Variants in ZNF446 observed in about 807,000 individuals in gnomAD.
The protein encoded by ZNF446 is zinc finger protein with KRAB and SCAN domains 20.
A neutral mutation model predicts 34.0 loss-of-function variants in ZNF446; 42 were observed. The ratio of observed to expected loss-of-function variants is 1.23; its 90% confidence interval spans 0.96 to 1.60. ZNF446 has a LOEUF of 1.60. Among genes scored for constraint, ZNF446 ranks in the 40% most tolerant of loss-of-function variants. The pLI is 0.00. For synonymous variants in ZNF446, 315 were observed against 251.0 expected (o/e 1.25, Z -2.41); for missense variants, 650 against 600.2 (o/e 1.08, Z -0.87).
rs1482704914 is a variant in ZNF446, at chr19:58,479,680, T to C, written c.665T>C (p.Leu222Pro). 6.2e-7 allele frequency: 1 copy of C among 1,613,710 alleles called. No homozygotes were observed. Among genetic ancestry groups the C allele is most frequent in the Admixed American group, 1.7e-5 (1 of 59,960 alleles). ...WGLLDRSQKE[L>P]YWDAMLEKYG... ...CTGCTGGACCGGTCACAGAAGGAAC[T>C]GTACTGGGATGCGATGCTGGAGAAG... The change falls in exon 5 of 7, where the codon CTG becomes CCG. Residue 222 changes from leucine (L) to proline (P), a missense_variant. Physicochemically the swap from Leu to Pro is moderately conservative, Grantham distance 98. Coordinates refer to ENST00000594369, the MANE Select transcript of ZNF446 (RefSeq NM_017908.4).
Position 58,480,802 on chromosome 19 carries a change from G to T in ZNF446, c.*76G>T. The T allele has an allele frequency of 6.6e-7, 1 of 1,508,500 alleles. No individual in the cohort carries two copies. Among genetic ancestry groups the T allele is most frequent in the Middle Eastern group, 1.8e-4 (1 of 5,550 alleles). The allele number at this position is 1,508,500 out of a possible 1,614,324, so 93.4% of individuals were successfully genotyped here. On this transcript the variant is annotated 3_prime_UTR_variant, in exon 7 of 7. Coordinates refer to ENST00000594369, the MANE Select transcript of ZNF446 (RefSeq NM_017908.4). This position sits in a 1 kb window ranked among gnomAD's most constrained non-coding sequence, Gnocchi z 7.2. ...TACAGCCTCTGGGGCACCAGCAGAA[G>T]ACTCTGGAGGCAGCAGGGGATGCCA...
At chr19:58,485,386 T>C (rs911911641), downstream of ZNF446, among the ~76,000 whole-genome samples, 1 of 151,498 alleles carries the variant, frequency 6.6e-6, no homozygotes, top group Non-Finnish European at 1.5e-5. Flanking sequence ...GGCACACGCC[T>C]GTAATCCCAG....
chr19:58,480,348 T>G lies in ZNF446; in HGVS notation c.975T>G (p.Ala325=). 1 of 1,600,300 alleles carries G rather than the reference T, an allele frequency of 6.2e-7. No homozygotes were observed. Among genetic ancestry groups the G allele is most frequent in the South Asian group, 1.1e-5 (1 of 89,432 alleles). Residue 325 remains alanine, a synonymous_variant, in exon 7 of 7, where the codon GCT becomes GCG. Coordinates refer to ENST00000594369, the MANE Select transcript of ZNF446 (RefSeq NM_017908.4). This position sits in a 1 kb window ranked among gnomAD's most constrained non-coding sequence, Gnocchi z 7.2. ...PTPAETRLEP[A]ATPRKPYTCE... ...CTGCAGAGACGAGACTGGAGCCGGCTGCCACCCCCAGGAAGCCCTACACGT... is the reference window on the plus strand; with the variant it reads ...CTGCAGAGACGAGACTGGAGCCGGCGGCCACCCCCAGGAAGCCCTACACGT...
Position 58,478,128 on chromosome 19 carries a change from A to C in ZNF446, c.574A>C (p.Asn192His), listed in dbSNP as rs893185. 729,315 of 1,613,212 alleles carry C rather than the reference A, an allele frequency of 0.45. 167,728 individuals are homozygous for C. The highest frequency in any genetic ancestry group is 0.62 in the African/African-American group (46,075 of 74,892). Residue 192 changes from asparagine (N) to histidine (H), a missense_variant, in exon 4 of 7, where the codon AAC (asparagine) becomes CAC (histidine). Coordinates refer to ENST00000594369, the MANE Select transcript of ZNF446 (RefSeq NM_017908.4). ...ACTTGCAGCACAGTCCCCTGAGGGG[A>C]ACCATGGACACCAAGAACCAGCCTC... ...PPLAAQSPEG[N>H]HGHQEPASTS...
In ZNF446 at chr19:58,477,737, G is replaced by A. The variant is rs756061797; in HGVS notation, c.443G>A (p.Gly148Glu). The change falls in exon 3 of 7, where the codon GGG becomes GAG. Residue 148 changes from glycine (G) to glutamate (E), a missense_variant. By Grantham distance (98) the Gly-to-Glu change is moderately conservative. Coordinates refer to ENST00000594369, the MANE Select transcript of ZNF446 (RefSeq NM_017908.4). The part of the protein sequence containing the change: ...PHPSGTVESP[G>E]EGPQDTRIEG... Reference sequence around the variant, plus strand: ...CCCTCAGGGACAGTGGAGTCCCCTGGGGAAGGTCCCCAGGACACCAGAATA... The same window carrying A: ...CCCTCAGGGACAGTGGAGTCCCCTGAGGAAGGTCCCCAGGACACCAGAATA... 17 of 1,613,542 alleles carry A rather than the reference G, an allele frequency of 1.1e-5. No homozygotes were observed. The highest frequency in any genetic ancestry group is 1.4e-5 in the Non-Finnish European group (16 of 1,179,818).
chr19:58,487,253 T>C, the ZNF446 span, among the ~76,000 whole-genome samples: 4 of 152,242 alleles, frequency 2.6e-5, no homozygotes, highest in Middle Eastern at 3.4e-3. Context: ...TTGTTTTGTT[T>C]TGCTTTGTTT....
Position 58,479,970 on chromosome 19 carries a change from G to A in ZNF446, c.753G>A (p.Glu251=). ...PHQPEAQAQS[E]LGMLLTGTGV... Reference sequence around the variant, plus strand: ...AGCCAGAGGCACAGGCCCAGTCAGAGCTGGGGATGCTGCTCACGGGGACAG... The same window carrying A: ...AGCCAGAGGCACAGGCCCAGTCAGAACTGGGGATGCTGCTCACGGGGACAG... The change falls in exon 6 of 7, where the codon GAG becomes GAA. Residue 251 remains glutamate (E), a synonymous_variant. Transcript: ENST00000594369. The A allele has an allele frequency of 3.1e-6, 5 of 1,590,372 alleles. No individual in the cohort carries two copies. Among genetic ancestry groups the A allele is most frequent in the Non-Finnish European group, 4.3e-6 (5 of 1,171,138 alleles).
downstream of ZNF446, among the ~76,000 whole-genome samples, chr19:58,481,533 C>T (rs555170940): frequency 7.9e-5 from 12 of 152,254 alleles, no homozygotes; most frequent in South Asian, 1.5e-3. Flanking sequence ...GCAGGGGTTG[C>T]GCCAAGGCCA....
At chr19:58,482,929 C>T (rs1600014970), downstream of ZNF446, among the ~76,000 whole-genome samples, 1 of 152,276 alleles carries the variant, frequency 6.6e-6, no homozygotes, top group East Asian at 1.9e-4. Flanking sequence ...GGGGTGAGGG[C>T]AGTTTTTAAA....
rs758550311 is a variant in ZNF446 at position 58,480,519 on chromosome 19, G to A, written c.1146G>A (p.Pro382=). The A allele has an allele frequency of 9.9e-6, 16 of 1,612,500 alleles. No homozygotes were observed. Among genetic ancestry groups the A allele is most frequent in the South Asian group, 8.8e-5 (8 of 91,076 alleles). ...CACCACAAGGGGAGGTGGCCTTTCC[G>A]CACCACCCCCGACGCTCACTCACAG... The part of the protein sequence containing the change: ...EKPPQGEVAF[P]HHPRRSLTGP... The change falls in exon 7 of 7, where the codon CCG becomes CCA. Residue 382 remains proline, a synonymous_variant. Coordinates refer to ENST00000594369, the MANE Select transcript of ZNF446 (RefSeq NM_017908.4). This position sits in a 1 kb window ranked among gnomAD's most constrained non-coding sequence, Gnocchi z 7.2.
the ZNF446 span, among the ~76,000 whole-genome samples, chr19:58,488,848 CA>C: frequency 0.019 from 1,939 of 102,298 alleles, 35 homozygotes; most frequent in African/African-American, 0.061. Flanking sequence ...AAGACTCCGT[CA>C]AAAAAAAAAA....
chr19:58,483,194 A>C (rs964283816), downstream of ZNF446, among the ~76,000 whole-genome samples: 70 of 152,008 alleles, frequency 4.6e-4, no homozygotes, highest in Non-Finnish European at 7.6e-4. Context: ...AAAAAAAAAA[A>C]ATTAAAAATA....
chr19:58,478,101 C>T lies in ZNF446; in HGVS notation c.547C>T (p.Pro183Ser). The T allele has an allele frequency of 6.2e-7, 1 of 1,613,652 alleles. No individual in the cohort carries two copies. The highest frequency in any genetic ancestry group is 8.5e-7 in the Non-Finnish European group (1 of 1,179,732). The change falls in exon 4 of 7, where the codon CCA becomes TCA. Residue 183 changes from proline to serine, a missense_variant. Coordinates refer to ENST00000594369, the MANE Select transcript of ZNF446 (RefSeq NM_017908.4). The stretch of plus-strand genomic sequence containing the variant: ...CCACTTTTCAGCACCCTCCAGCCCT[C>T]CACTTGCAGCACAGTCCCCTGAGGG... ...DGQEVAPSSP[P>S]LAAQSPEGNH... is the part of the protein sequence containing the mutation.
In ZNF446 at chr19:58,480,218, C is replaced by G; in HGVS notation, c.845C>G (p.Pro282Arg). The G allele has an allele frequency of 6.3e-7, 1 of 1,596,500 alleles. No individual in the cohort carries two copies. Among genetic ancestry groups the G allele is most frequent in the Non-Finnish European group, 8.5e-7 (1 of 1,177,976 alleles). Reference sequence around the variant, plus strand: ...CCACCTGGCTGCCCAGAGGCCCAGCCGCCCCAGGGCCCAGGGCCGGCAGCC... The same window carrying G: ...CCACCTGGCTGCCCAGAGGCCCAGCGGCCCCAGGGCCCAGGGCCGGCAGCC... ...EGPPGCPEAQ[P>R]PQGPGPAAWE... The change falls in exon 7 of 7, where the codon CCG becomes CGG. Residue 282 changes from proline (P) to arginine (R), a missense_variant. Transcript: ENST00000594369. This position sits in a 1 kb window ranked among gnomAD's most constrained non-coding sequence, Gnocchi z 7.2.
chr19:58,477,780 C>T lies in ZNF446; in HGVS notation c.486C>T (p.Leu162=), dbSNP rs1436817691. ...QDTRIEGSVQ[L]SCSVKEEPNV... ...CCAGAATAGAGGGGTCTGTCCAGCT[C>T]AGCTGCAGTGTGAAGGAGGAGCCCA... is the stretch of plus-strand genomic sequence containing the variant. The change falls in exon 3 of 7, where the codon CTC becomes CTT. Residue 162 remains leucine, a synonymous_variant. Coordinates refer to ENST00000594369, the MANE Select transcript of ZNF446 (RefSeq NM_017908.4). 6.2e-7 allele frequency: 1 copy of T among 1,600,194 alleles called. No individual in the cohort carries two copies. Among genetic ancestry groups the T allele is most frequent in the Non-Finnish European group, 8.5e-7 (1 of 1,174,490 alleles).
At chr19:58,487,452 A>T in the ZNF446 span, among the ~76,000 whole-genome samples, 1 of 152,340 alleles carries the variant, frequency 6.6e-6, no homozygotes, top group East Asian at 1.9e-4. Flanking sequence ...ATAAAAGATA[A>T]GCAAAATATT....
downstream of ZNF446, among the ~76,000 whole-genome samples, chr19:58,485,472 T>C (rs535744379): frequency 1.3e-5 from 2 of 152,162 alleles, no homozygotes; most frequent in Non-Finnish European, 2.9e-5. Context: ...ATCATGCCAC[T>C]GCACTCCAGC....
chr19:58,476,884 C>T lies in ZNF446; in HGVS notation c.-40-295C>T, dbSNP rs547345901. On this transcript the variant is annotated intron_variant, in intron 1 of 6. Coordinates refer to ENST00000594369, the MANE Select transcript of ZNF446 (RefSeq NM_017908.4). Reference sequence around the variant, plus strand: ...CTCTGTGATGACTGTCTTTCTCCACCTCTTTAGCGTCATCTCCCAGCAGTC... The same window carrying T: ...CTCTGTGATGACTGTCTTTCTCCACTTCTTTAGCGTCATCTCCCAGCAGTC... 1.1e-4 allele frequency among the ~76,000 whole-genome samples: 17 copies of T among 152,292 alleles called. No individual in the cohort carries two copies. The East Asian group carries it at 1.2e-3, about 10-fold the overall frequency.
chr19:58,477,332 A>C lies in ZNF446; in HGVS notation c.114A>C (p.Ala38=). Residue 38 remains alanine (A), a synonymous_variant, in exon 2 of 7, where the codon GCA becomes GCC. Transcript: ENST00000594369. ...RFRGFCYQEV[A]GPREALARLR... ...GAGGGTTCTGCTACCAGGAGGTGGC[A>C]GGTCCCCGAGAAGCCCTGGCCCGGC... 6.2e-7 allele frequency: 1 copy of C among 1,613,298 alleles called. No individual in the cohort carries two copies. Among genetic ancestry groups the C allele is most frequent in the South Asian group, 1.1e-5 (1 of 91,070 alleles).
Sources: allele counts gnomAD v4.1 joint callset (sites outside exome capture counted in the v4.1 genomes callset), GRCh38; gene constraint gnomAD v4.1.1; non-coding constraint Gnocchi (gnomAD v3.1); transcripts MANE v1.5; gene names NCBI Gene and HGNC (gene_info 2026-07-23, HGNC 2026-07-21).